Variants in UGT2B10 observed in about 807,000 individuals in gnomAD.
The protein encoded by UGT2B10 is UDP-glucuronosyltransferase 2B10.
In UGT2B10, 51 loss-of-function variants were observed where a neutral mutation model predicts 43.7. The observed-to-expected ratio is 1.17, with a 90% CI of 0.93 to 1.47. The LOEUF (loss-of-function observed/expected upper bound fraction) is 1.47, where lower values mean the gene tolerates loss of function less well. Among genes scored for constraint, UGT2B10 ranks in the 40% most tolerant of loss-of-function variants. The pLI, the probability that UGT2B10 is intolerant of heterozygous loss-of-function variation, is 0.00. For missense variants in UGT2B10, 696 were observed against 617.7 expected, an observed-to-expected ratio of 1.13 and a Z score of -1.34; for synonymous variants, 225 against 209.0, an observed-to-expected ratio of 1.08 and a Z score of -0.66.
At chr4:68,829,930 C>G (rs1165108034) in intron 5 of UGT2B10, among the ~76,000 whole-genome samples, 1 of 152,012 alleles carries the variant, frequency 6.6e-6, no homozygotes, top group African/African-American at 2.4e-5. Context: ...GCCATAATCT[C>G]ACTTTAGTTG....
rs549158833 is a variant in UGT2B10 at position 68,826,476 on chromosome 4, A to G, written c.1066A>G (p.Ile356Val). 6.8e-6 allele frequency: 11 copies of G among 1,612,364 alleles called. No individual in the cohort carries two copies. Among genetic ancestry groups the G allele is most frequent in the Middle Eastern group, 3.4e-4 (2 of 5,946 alleles). Residue 356 changes from isoleucine (I) to valine (V), a missense_variant, in exon 4 of 6, where the codon ATA becomes GTA. Physicochemically the swap from Ile to Val is conservative, Grantham distance 29. Coordinates refer to ENST00000265403, the MANE Select transcript of UGT2B10 (RefSeq NM_001075.6). ...LGLNTRLYKWIPQNDLLGHPK... is the reference protein window; with the variant it reads ...LGLNTRLYKWVPQNDLLGHPK... Reference sequence around the variant, plus strand: ...TCTCAATACTCGACTGTACAAGTGGATACCCCAGAATGACCTTCTAGGTAA... The same window carrying G: ...TCTCAATACTCGACTGTACAAGTGGGTACCCCAGAATGACCTTCTAGGTAA...
chr4:68,829,501 A>G (rs938369689), intron 5 of UGT2B10, among the ~76,000 whole-genome samples: 6 of 152,180 alleles, frequency 3.9e-5, no homozygotes, highest in African/African-American at 1.2e-4. Flanking sequence ...GTATTTAAAT[A>G]TATATTTTAT....
chr4:68,820,472 A>G (rs1737437863), intron 2 of UGT2B10, among the ~76,000 whole-genome samples: 1 of 152,114 alleles, frequency 6.6e-6, no homozygotes, highest in Non-Finnish European at 1.5e-5. Flanking sequence ...TTTAAACATT[A>G]TGGAAAATAT....
At chr4:68,823,318 C>T (rs1028022424) in intron 3 of UGT2B10, among the ~76,000 whole-genome samples, 2 of 151,824 alleles carry the variant, frequency 1.3e-5, no homozygotes, top group Admixed American at 1.3e-4. Flanking sequence ...TCACCCTGAA[C>T]GATATGGTGA....
At position 68,830,763 on chromosome 4, in the gene UGT2B10, G is replaced by A; in HGVS notation, c.1471G>A (p.Asp491Asn). 6.2e-7 allele frequency: 1 copy of A among 1,613,354 alleles called. No homozygotes were observed. The highest frequency in any genetic ancestry group is 2.2e-5 in the East Asian group (1 of 44,808). ...CACCTGGTTCCAGTACCACTCTTTGGATGTGATTGGGTTCCTGCTGGCTTG... is the reference window on the plus strand; with the variant it reads ...CACCTGGTTCCAGTACCACTCTTTGAATGTGATTGGGTTCCTGCTGGCTTG... Reference protein sequence around the residue: ...NLTWFQYHSLDVIGFLLACVA... With the variant: ...NLTWFQYHSLNVIGFLLACVA... The change falls in exon 6 of 6, where the codon GAT becomes AAT. Residue 491 changes from aspartate (D) to asparagine (N), a missense_variant. Transcript: ENST00000265403.
At chr4:68,826,800 C>T (rs569100949) in intron 4 of UGT2B10, among the ~76,000 whole-genome samples, 1 of 151,988 alleles carries the variant, frequency 6.6e-6, no homozygotes, top group Non-Finnish European at 1.5e-5. Flanking sequence ...AACTTTACAC[C>T]TGTTTTCTCC....
At position 68,831,092 on chromosome 4, in the gene UGT2B10, A is replaced by C; in HGVS notation, c.*213A>C. The stretch of plus-strand genomic sequence containing the variant: ...GTGGCAATGAAGAAAACACTAGGGG[A>C]AATAAAAAATAATATAAAGCCATAT... On this transcript the variant is annotated 3_prime_UTR_variant, in exon 6 of 6. Transcript: ENST00000265403. 1 of 607,982 alleles carries C rather than the reference A, an allele frequency of 1.6e-6. No individual in the cohort carries two copies. Among genetic ancestry groups the C allele is most frequent in the Non-Finnish European group, 2.7e-6 (1 of 365,586 alleles). 37.7% of individuals were successfully genotyped at this position (607,982 alleles called of 1,614,324 possible). A position where few individuals can be genotyped will look rare whatever the true frequency, so the allele number is the denominator to read the frequency against.
intron 5 of UGT2B10, among the ~76,000 whole-genome samples, chr4:68,829,328 A>T (rs1325561189): frequency 3.3e-5 from 5 of 152,064 alleles, no homozygotes; most frequent in East Asian, 1.9e-4. Flanking sequence ...AAGTGGTGAC[A>T]AAATGGTTCA....
Position 68,830,815 on chromosome 4 carries a change from CAA to C in UGT2B10, c.1525_1526del (p.Lys509ValfsTer11), listed in dbSNP as rs1738057940. The C allele has an allele frequency of 6.2e-7, 1 of 1,613,094 alleles. No individual in the cohort carries two copies. Among genetic ancestry groups the C allele is most frequent in the East Asian group, 2.2e-5 (1 of 44,790 alleles). On this transcript the variant is annotated frameshift_variant, in exon 6 of 6. Transcript: ENST00000265403. LOFTEE classifies it low-confidence loss of function (END_TRUNC). ...GTGGCAACCGTGCTATTTATCATCA[CAA>C]AGTGTTGTCTGTTTTGTTTCTGGAA... is the stretch of plus-strand genomic sequence containing the variant.
chr4:68,817,918 G>A (rs112674956), intron 1 of UGT2B10, 111 bp from the exon 2 acceptor site: 110,165 of 1,287,490 alleles, frequency 0.086, 5,352 homozygotes, highest in Non-Finnish European at 0.099. Context: ...ATTTTTCAAA[G>A]CACACAAACT....
At chr4:68,829,272 C>T (rs748846481) in intron 5 of UGT2B10, among the ~76,000 whole-genome samples, 4 of 151,930 alleles carry the variant, frequency 2.6e-5, no homozygotes, top group Non-Finnish European at 4.4e-5. Flanking sequence ...ACAAGCAAAG[C>T]TAGTGCTGCT....
Position 68,831,131 on chromosome 4 carries a change from A to C in UGT2B10, c.*252A>C. ...ATAAAGCCATATGAGCTTGTATTGA[A>C]ATTTGTTGCACTTATATTGAAATGT... On this transcript the variant is annotated 3_prime_UTR_variant, in exon 6 of 6. Coordinates refer to ENST00000265403, the MANE Select transcript of UGT2B10 (RefSeq NM_001075.6). 2.1e-6 allele frequency: 1 copy of C among 467,012 alleles called. No individual in the cohort carries two copies. The highest frequency in any genetic ancestry group is 3.3e-5 in the South Asian group (1 of 30,758). The allele number at this position is 467,012 out of a possible 1,614,324, so 28.9% of individuals were successfully genotyped here. A position where few individuals can be genotyped will look rare whatever the true frequency, so the allele number is the denominator to read the frequency against.
chr4:68,823,618 A>C (rs1290538579), intron 3 of UGT2B10, among the ~76,000 whole-genome samples: 1 of 152,208 alleles, frequency 6.6e-6, no homozygotes, highest in Non-Finnish European at 1.5e-5. Context: ...ATTTTACTTC[A>C]GCATAGGGAA....
rs1737839393 is a variant in UGT2B10 at position 68,827,391 on chromosome 4, T to C, written c.1150T>C (p.Tyr384His). 1 of 1,613,508 alleles carries C rather than the reference T, an allele frequency of 6.2e-7. No homozygotes were observed. The highest frequency in any genetic ancestry group is 8.5e-7 in the Non-Finnish European group (1 of 1,179,570). ...GGANGIYEAIYHGIPMVGIPL... is the reference protein window; with the variant it reads ...GGANGIYEAIHHGIPMVGIPL... The stretch of plus-strand genomic sequence containing the variant: ...AGCCAATGGCATCTATGAGGCAATC[T>C]ACCATGGGATCCCTATGGTGGGCAT... Residue 384 changes from tyrosine to histidine, a missense_variant, in exon 5 of 6, where the codon TAC (tyrosine) becomes CAC (histidine). Transcript: ENST00000265403.
At chr4:68,818,620 GA>G (rs5859144) in intron 2 of UGT2B10, among the ~76,000 whole-genome samples, 134,874 of 151,574 alleles carry the variant, frequency 0.89, 61,835 homozygotes, top group Non-Finnish European at 1. Flanking sequence ...ATTATCTCAA[GA>G]AAAAAACCCA....
chr4:68,822,229 T>A (rs1305354274), intron 2 of UGT2B10, 42 bp from the exon 3 acceptor site: 1 of 1,604,944 alleles, frequency 6.2e-7, no homozygotes, highest in Non-Finnish European at 8.5e-7. Flanking sequence ...CCTGCTGTGG[T>A]GATACTCTTT....
At chr4:68,823,893 A>G (rs1005626257) in intron 3 of UGT2B10, among the ~76,000 whole-genome samples, 1 of 152,132 alleles carries the variant, frequency 6.6e-6, no homozygotes, top group Non-Finnish European at 1.5e-5. Flanking sequence ...ATGTAGATGA[A>G]GTATCGATAT....
At chr4:68,825,051 T>G (rs1187423642) in intron 3 of UGT2B10, among the ~76,000 whole-genome samples, 1 of 152,106 alleles carries the variant, frequency 6.6e-6, no homozygotes, top group African/African-American at 2.4e-5. Context: ...TTTCTTGTAG[T>G]AGCTTATTTT....
intron 5 of UGT2B10, 56 bp downstream of exon 5, chr4:68,827,604 G>A (rs778948853): frequency 3.7e-6 from 6 of 1,601,042 alleles, no homozygotes; most frequent in South Asian, 2.2e-5. Flanking sequence ...TTTCTTGTCA[G>A]TAGTGAGCAT....
Sources: allele counts gnomAD v4.1 joint callset (sites outside exome capture counted in the v4.1 genomes callset), GRCh38; gene constraint gnomAD v4.1.1; transcripts MANE v1.5; gene names NCBI Gene and HGNC (gene_info 2026-07-23, HGNC 2026-07-21).